Variants in SOX5 observed in about 807,000 individuals in gnomAD.
SOX5 encodes the protein transcription factor SOX-5.
SOX5 carries 9 observed loss-of-function variants against 92.0 expected under a neutral mutation model. The ratio of observed to expected loss-of-function variants is 0.10; its 90% confidence interval spans 0.06 to 0.17. The LOEUF (loss-of-function observed/expected upper bound fraction) is 0.17. Ranked by LOEUF, SOX5 falls within the 10% of genes least tolerant of loss-of-function variation. The probability of loss-of-function intolerance (pLI) is 1.00; values close to 1 mark genes in which losing one functional copy is unlikely to be tolerated. For synonymous variants in SOX5, 344 were observed against 336.3 expected (o/e 1.02, Z -0.25); for missense variants, 642 against 944.5 (o/e 0.68, Z 4.20).
At chr12:24,520,497 A>G (rs1950174220) in intron 1 of SOX5, among the ~76,000 whole-genome samples, 1 of 132,154 alleles carries the variant, frequency 7.6e-6, no homozygotes, top group African/African-American at 2.4e-5. Context: ...CATAAAAGAT[A>G]AACAGTAAAA....
intron 5 of SOX5, among the ~76,000 whole-genome samples, chr12:23,736,370 G>A (rs971314301): frequency 3.3e-5 from 5 of 152,048 alleles, no homozygotes; most frequent in Admixed American, 3.3e-4. Flanking sequence ...GCTGAGGCAG[G>A]AGAATGTCGT....
At chr12:23,750,219 T>C (rs371909012) in intron 4 of SOX5, among the ~76,000 whole-genome samples, 30 of 151,958 alleles carry the variant, frequency 2.0e-4, no homozygotes, top group African/African-American at 7.0e-4. Flanking sequence ...GTCTGATAAT[T>C]AATTTCTGAG....
intron 4 of SOX5, among the ~76,000 whole-genome samples, chr12:24,194,646 C>G (rs969356733): frequency 6.6e-6 from 1 of 151,960 alleles, no homozygotes; most frequent in Non-Finnish European, 1.5e-5. Context: ...TCAATGGAAA[C>G]GAAACAAAGA....
At chr12:24,058,653 G>A (rs1724716191) in intron 4 of SOX5, among the ~76,000 whole-genome samples, 3 of 152,270 alleles carry the variant, frequency 2.0e-5, no homozygotes, top group South Asian at 4.2e-4. Context: ...ATTGTCTCAG[G>A]TTGGTTAAAA....
intron 10 of SOX5, among the ~76,000 whole-genome samples, chr12:23,571,623 C>G (rs1245898567): frequency 6.6e-6 from 1 of 152,134 alleles, no homozygotes; most frequent in Non-Finnish European, 1.5e-5. Context: ...TGAACACCAA[C>G]CAATAGATCA....
At chr12:23,708,475 G>A (rs540424535) in intron 6 of SOX5, among the ~76,000 whole-genome samples, 1 of 152,226 alleles carries the variant, frequency 6.6e-6, no homozygotes, top group South Asian at 2.1e-4. Flanking sequence ...TTCAGTGACA[G>A]GCAAAAACCA....
chr12:24,371,111 C>T (rs1462097384), intron 1 of SOX5, among the ~76,000 whole-genome samples: 1 of 152,130 alleles, frequency 6.6e-6, no homozygotes, highest in Non-Finnish European at 1.5e-5. Flanking sequence ...ATGTCTTTTA[C>T]ATTTTAGTCT....
At chr12:24,020,610 C>T (rs928821265) in intron 4 of SOX5, among the ~76,000 whole-genome samples, 5 of 152,106 alleles carry the variant, frequency 3.3e-5, no homozygotes, top group Admixed American at 6.6e-5. Context: ...CTATGCACTA[C>T]CCCTGATTAA....
chr12:24,354,329 C>G (rs1246794626), intron 2 of SOX5, among the ~76,000 whole-genome samples: 1 of 152,168 alleles, frequency 6.6e-6, no homozygotes, highest in African/African-American at 2.4e-5. Flanking sequence ...GGGAGTGCAC[C>G]ATGTGTGAGA....
At chr12:23,535,359 G>A (rs1252796187) in intron 14 of SOX5, among the ~76,000 whole-genome samples, 1 of 152,186 alleles carries the variant, frequency 6.6e-6, no homozygotes, top group East Asian at 1.9e-4. Context: ...GTAGTGGTAG[G>A]AAGCAGGAGC....
chr12:23,757,024 AAAAAAG>A (rs2094407773), intron 3 of SOX5, among the ~76,000 whole-genome samples: 5 of 151,924 alleles, frequency 3.3e-5, no homozygotes, highest in Non-Finnish European at 5.9e-5. Context: ...TCCTTGGAAA[AAAAAAG>A]TAACAATATG....
chr12:24,086,425 C>T (rs1037620713), intron 4 of SOX5, among the ~76,000 whole-genome samples: 4 of 151,762 alleles, frequency 2.6e-5, no homozygotes, highest in African/African-American at 9.7e-5. Context: ...TTAAAGTAAT[C>T]TTACATTACT....
At chr12:24,546,049 G>A (rs1376399068) in intron 1 of SOX5, among the ~76,000 whole-genome samples, 2 of 152,114 alleles carry the variant, frequency 1.3e-5, no homozygotes, top group African/African-American at 2.4e-5. Context: ...GTAGGTCTCC[G>A]GGAAACTCTG....
intron 1 of SOX5, among the ~76,000 whole-genome samples, chr12:24,530,144 T>A (rs190873519): frequency 6.6e-6 from 1 of 152,280 alleles, no homozygotes; most frequent in Non-Finnish European, 1.5e-5. Context: ...TACTGGTTAT[T>A]CTACATTTCA....
At chr12:24,511,206 A>G (rs565657769) in intron 1 of SOX5, among the ~76,000 whole-genome samples, 7 of 152,158 alleles carry the variant, frequency 4.6e-5, no homozygotes, top group African/African-American at 1.4e-4. Context: ...AACCAGAAAA[A>G]TTTTCTTTCA....
chr12:23,759,883 TG>T (rs2094516858), intron 3 of SOX5, among the ~76,000 whole-genome samples: 1 of 152,102 alleles, frequency 6.6e-6, no homozygotes, highest in Non-Finnish European at 1.5e-5. Flanking sequence ...ACTATGAATA[TG>T]GTATGTGGGG....
At chr12:23,725,746 T>A (rs1274322829) in intron 6 of SOX5, among the ~76,000 whole-genome samples, 13 of 148,370 alleles carry the variant, frequency 8.8e-5, no homozygotes, top group Admixed American at 8.7e-4. Context: ...TGGAGCATTA[T>A]CACAATTCAG....
chr12:23,655,849 T>C (rs1004980997), intron 7 of SOX5, among the ~76,000 whole-genome samples: 6 of 152,242 alleles, frequency 3.9e-5, no homozygotes, highest in South Asian at 4.1e-4. Context: ...ATAATATAAA[T>C]GTCTTGAATG....
chr12:23,680,652 T>C (rs2086470332), intron 6 of SOX5, among the ~76,000 whole-genome samples: 1 of 151,916 alleles, frequency 6.6e-6, no homozygotes, highest in Non-Finnish European at 1.5e-5. Flanking sequence ...ATAAATGTAA[T>C]GGGTAAAATT....
Sources: gnomAD v4.1 joint callset for allele counts (sites outside exome capture counted in the v4.1 genomes callset) on GRCh38, gnomAD v4.1.1 for gene constraint, MANE v1.5 for transcripts, NCBI Gene and HGNC (gene_info 2026-07-23, HGNC 2026-07-21) for gene names.